SRGAP3: variants seen among roughly 807,000 people sequenced by gnomAD.
The protein encoded by SRGAP3 is SLIT-ROBO Rho GTPase activating protein 3.
SRGAP3 carries 39 observed loss-of-function variants against 121.1 expected under a neutral mutation model. The observed-to-expected ratio is 0.32, with a 90% CI of 0.25 to 0.42. The LOEUF (loss-of-function observed/expected upper bound fraction) is 0.42. SRGAP3 is among the 10% of genes least tolerant of loss of function. The pLI, the probability that SRGAP3 is intolerant of heterozygous loss-of-function variation, is 1.00. For synonymous variants in SRGAP3, 601 were observed against 570.0 expected (o/e 1.05, Z -0.77); for missense variants, 1,213 against 1,470.6 (o/e 0.82, Z 2.86).
At chr3:9,210,285 G>A (rs751412562) in intron 1 of SRGAP3, among the ~76,000 whole-genome samples, 1 of 152,196 alleles carries the variant, frequency 6.6e-6, no homozygotes, top group Non-Finnish European at 1.5e-5. Context: ...CTTAAAATGG[G>A]TGAATTTTGT....
intron 1 of SRGAP3, among the ~76,000 whole-genome samples, chr3:9,172,567 TC>T (rs1417088469): frequency 6.6e-6 from 1 of 152,202 alleles, no homozygotes; most frequent in Non-Finnish European, 1.5e-5. Flanking sequence ...AGAGCCTGGA[TC>T]CCCAGCTCCT....
chr3:9,103,691 CAA>C (rs1341837530), intron 3 of SRGAP3, among the ~76,000 whole-genome samples: 2 of 152,196 alleles, frequency 1.3e-5, no homozygotes, highest in Admixed American at 1.3e-4. Context: ...GCAGGATAGA[CAA>C]AGAGGATGAG....
At chr3:9,049,743 G>A (rs950036030) in intron 9 of SRGAP3, among the ~76,000 whole-genome samples, 1 of 151,308 alleles carries the variant, frequency 6.6e-6, no homozygotes, top group Admixed American at 6.6e-5. Flanking sequence ...AATTCCAGTT[G>A]CCCATCTTGG....
intron 1 of SRGAP3, among the ~76,000 whole-genome samples, chr3:9,177,074 G>A (rs1308469182): frequency 6.6e-6 from 1 of 152,152 alleles, no homozygotes; most frequent in Non-Finnish European, 1.5e-5. Context: ...GAAGTTCAGA[G>A]ACTGGCTCTA....
At chr3:9,290,456 T>C (rs1351363358) in intron 3 of SRGAP3, among the ~76,000 whole-genome samples, 1 of 152,150 alleles carries the variant, frequency 6.6e-6, no homozygotes, top group Non-Finnish European at 1.5e-5. Context: ...AAAAGCTCAG[T>C]AGGGACTAGG....
At chr3:9,085,398 T>C (rs983094387) in intron 3 of SRGAP3, among the ~76,000 whole-genome samples, 2 of 152,032 alleles carry the variant, frequency 1.3e-5, no homozygotes. Flanking sequence ...TGGAAGACAG[T>C]GTGGCAATTC....
At chr3:9,142,829 C>CTTTTTTTTTTTTTTTTT (rs397795766) in intron 1 of SRGAP3, among the ~76,000 whole-genome samples, 7 of 90,830 alleles carry the variant, frequency 7.7e-5, no homozygotes, top group Non-Finnish European at 9.9e-5. Flanking sequence ...GGGCAATTTC[C>CTTTTTTTTTTTTTTTTT]TTTTTTTTTT....
At chr3:9,347,908 A>C (rs1177614018) in intron 1 of SRGAP3, among the ~76,000 whole-genome samples, 1 of 152,228 alleles carries the variant, frequency 6.6e-6, no homozygotes, top group African/African-American at 2.4e-5. Context: ...GAGGAAGAGA[A>C]GAGAAAATTG....
At chr3:9,224,794 CT>C (rs1254886708) in intron 1 of SRGAP3, among the ~76,000 whole-genome samples, 8 of 152,162 alleles carry the variant, frequency 5.3e-5, no homozygotes, top group Non-Finnish European at 1.0e-4. Flanking sequence ...AGTGAGAAGC[CT>C]GCAGAACCAC....
intron 3 of SRGAP3, among the ~76,000 whole-genome samples, chr3:9,312,106 C>T (rs1387498847): frequency 3.3e-5 from 5 of 152,188 alleles, no homozygotes; most frequent in African/African-American, 9.6e-5. Context: ...GAAAAACTGA[C>T]AATTAGCTGA....
chr3:9,099,045 G>A (rs1363317530), intron 3 of SRGAP3, among the ~76,000 whole-genome samples: 1 of 152,110 alleles, frequency 6.6e-6, no homozygotes, highest in Non-Finnish European at 1.5e-5. Context: ...ACTCTCTCAT[G>A]CAACCAAAAA....
At chr3:9,302,540 G>C (rs1218388797) in intron 3 of SRGAP3, among the ~76,000 whole-genome samples, 1 of 152,188 alleles carries the variant, frequency 6.6e-6, no homozygotes, top group African/African-American at 2.4e-5. Flanking sequence ...TTCGTCACTG[G>C]ATAAACTGGG....
intron 3 of SRGAP3, among the ~76,000 whole-genome samples, chr3:9,264,002 C>A (rs111262481): frequency 6.6e-6 from 1 of 152,000 alleles, no homozygotes; most frequent in Non-Finnish European, 1.5e-5. Flanking sequence ...TCCAGCAGCA[C>A]GTTCTAAAGC....
chr3:9,035,203 G>A (rs1284966263), intron 11 of SRGAP3: 1 of 152,518 alleles, frequency 6.6e-6, no homozygotes. Context: ...CAGGAAGAGC[G>A]GAGACTCTAA....
At chr3:9,040,031 C>A (rs1225381864) in intron 10 of SRGAP3, among the ~76,000 whole-genome samples, 1 of 152,158 alleles carries the variant, frequency 6.6e-6, no homozygotes, top group Non-Finnish European at 1.5e-5. Flanking sequence ...CTAACAGGTG[C>A]TCTCCTTGAA....
intron 10 of SRGAP3, among the ~76,000 whole-genome samples, chr3:9,041,251 A>G (rs1025310026): frequency 2.6e-5 from 4 of 152,172 alleles, no homozygotes; most frequent in Non-Finnish European, 5.9e-5. Context: ...TTCAAGTCTA[A>G]GTTTACCCAG....
intron 3 of SRGAP3, among the ~76,000 whole-genome samples, chr3:9,098,025 C>A (rs570217353): frequency 3.7e-4 from 56 of 152,298 alleles, no homozygotes; most frequent in African/African-American, 1.3e-3. Flanking sequence ...TCCCAGGGAA[C>A]CCTGGTGATA....
At chr3:9,194,025 T>C (rs1372531735) in intron 1 of SRGAP3, 1 of 152,318 alleles carries the variant, frequency 6.6e-6, no homozygotes, top group Non-Finnish European at 1.5e-5. Context: ...GGAGCCTTCC[T>C]CCTTCATTTG....
At chr3:9,134,382 A>G (rs1488698512) in intron 1 of SRGAP3, among the ~76,000 whole-genome samples, 1 of 152,102 alleles carries the variant, frequency 6.6e-6, no homozygotes, top group Non-Finnish European at 1.5e-5. Context: ...GGCAGCTGGT[A>G]CCTTCCCAGT....
Sources: gnomAD v4.1 joint callset for allele counts (sites outside exome capture counted in the v4.1 genomes callset) on GRCh38, gnomAD v4.1.1 for gene constraint, MANE v1.5 for transcripts, NCBI Gene and HGNC (gene_info 2026-07-23, HGNC 2026-07-21) for gene names.